Variants in CPZ observed in about 807,000 individuals in gnomAD.
CPZ encodes the protein VEZT/CPZ fusion.
A neutral mutation model predicts 61.8 loss-of-function variants in CPZ; 103 were observed. The ratio of observed to expected loss-of-function variants is 1.67; its 90% confidence interval spans 1.42 to 1.96. The LOEUF (loss-of-function observed/expected upper bound fraction) is 1.96, where lower values mean the gene tolerates loss of function less well. CPZ is among the 30% of genes most tolerant of loss of function. The probability of loss-of-function intolerance (pLI) is 0.00; values close to 1 mark genes in which losing one functional copy is unlikely to be tolerated. For synonymous variants in CPZ, 551 were observed against 373.7 expected (o/e 1.47, Z -5.47); for missense variants, 1,461 against 914.9 (o/e 1.60, Z -7.70).
intron 2 of CPZ, chr4:8,599,842 G>T: frequency 7.0e-6 from 2 of 284,638 alleles, no homozygotes; most frequent in Non-Finnish European, 1.3e-5. Context: ...CTGAGTCTGG[G>T]GTTTGGGTGA....
At chr4:8,614,992 C>T (rs547713489) in intron 9 of CPZ, among the ~76,000 whole-genome samples, 313 of 152,080 alleles carry the variant, frequency 2.1e-3, no homozygotes, top group Non-Finnish European at 3.5e-3. Context: ...GGACTCGAGC[C>T]GTGGGATGGG....
Position 8,592,909 on chromosome 4 carries a change from C to CTT in CPZ, c.76_77insTT (p.Arg26LeufsTer58). On this transcript the variant is annotated frameshift_variant, in exon 1 of 11. Transcript: ENST00000360986. LOFTEE classifies it high-confidence loss of function. ...TGCCCGGCCGGGGTGCGAGTTTGAG[C>CTT]GGAACCCCGCCGGTAAGGCCGTCCC... 1 of 1,533,792 alleles carries CTT rather than the reference C, an allele frequency of 6.5e-7. No homozygotes were observed.
chr4:8,612,906 G>T (rs1049478417), intron 8 of CPZ, among the ~76,000 whole-genome samples: 3 of 152,224 alleles, frequency 2.0e-5, no homozygotes, highest in Admixed American at 1.3e-4. Flanking sequence ...ATGCAGGCGG[G>T]CAGAGAAGGT....
chr4:8,614,786 C>G (rs1716022305), intron 9 of CPZ, among the ~76,000 whole-genome samples: 1 of 152,156 alleles, frequency 6.6e-6, no homozygotes, highest in Non-Finnish European at 1.5e-5. Context: ...GAGCATGGGC[C>G]TGGGCAGCCC....
At chr4:8,616,113 G>A (rs766798419) in intron 9 of CPZ, among the ~76,000 whole-genome samples, 2 of 152,240 alleles carry the variant, frequency 1.3e-5, no homozygotes, top group South Asian at 2.1e-4. Flanking sequence ...TACAGCAAGC[G>A]TGGACCTTGG....
chr4:8,619,608 C>T lies in CPZ; in HGVS notation c.1950C>T (p.Leu650=), dbSNP rs761608242. Residue 650 remains leucine, a synonymous_variant, in exon 11 of 11, where the codon CTC becomes CTT. Transcript: ENST00000360986. ...GCACCCACAGGCCACGCTGGCTGCT[C>T]AAGTACTAGCCCCGGCCCCAGCACC... ...SLSTHRPRWL[L]KY is the part of the protein sequence containing the mutation. 2.0e-6 allele frequency: 3 copies of T among 1,501,878 alleles called. No individual in the cohort carries two copies. The highest frequency in any genetic ancestry group is 2.7e-6 in the Non-Finnish European group (3 of 1,126,560). The allele number at this position is 1,501,878 out of a possible 1,614,324, so 93.0% of individuals were successfully genotyped here. A position where few individuals can be genotyped will look rare whatever the true frequency, so the allele number is the denominator to read the frequency against.
At chr4:8,618,797 C>A (rs1716432289) in intron 10 of CPZ, among the ~76,000 whole-genome samples, 1 of 152,206 alleles carries the variant, frequency 6.6e-6, no homozygotes, top group African/African-American at 2.4e-5. Flanking sequence ...CCGCCTCCTC[C>A]AACATTGCCG....
chr4:8,611,869 T>TGCAGG (rs1371721897), intron 7 of CPZ, among the ~76,000 whole-genome samples, 158 bp from the exon 8 acceptor site: 2 of 152,034 alleles, frequency 1.3e-5, no homozygotes, highest in Admixed American at 1.3e-4. Flanking sequence ...CTGTGTCCTC[T>TGCAGG]GCAGGACACC....
intron 7 of CPZ, among the ~76,000 whole-genome samples, chr4:8,608,506 C>T (rs1204398081): frequency 3.3e-5 from 5 of 152,160 alleles, no homozygotes; most frequent in Admixed American, 3.3e-4. Flanking sequence ...CTGGGCCCCT[C>T]CCTGTCCTGG....
intron 9 of CPZ, among the ~76,000 whole-genome samples, chr4:8,615,733 T>A (rs1244789354): frequency 1.3e-5 from 2 of 152,198 alleles, no homozygotes; most frequent in Non-Finnish European, 2.9e-5. Flanking sequence ...TGACATGGCC[T>A]GTCTGGTGTC....
chr4:8,613,101 C>T (rs906742919), intron 8 of CPZ, among the ~76,000 whole-genome samples: 9 of 151,614 alleles, frequency 5.9e-5, no homozygotes, highest in East Asian at 1.9e-4. Flanking sequence ...CAGACACCCA[C>T]GAGCAGAGCT....
At chr4:8,594,160 G>A (rs3775885) in intron 1 of CPZ, among the ~76,000 whole-genome samples, 10,565 of 152,300 alleles carry the variant, frequency 0.069, 559 homozygotes, top group East Asian at 0.24. Context: ...GAGCACAGCC[G>A]TGGCATCGGC....
intron 4 of CPZ, among the ~76,000 whole-genome samples, chr4:8,605,421 C>A (rs1475021146): frequency 6.6e-6 from 1 of 151,622 alleles, no homozygotes; most frequent in Non-Finnish European, 1.5e-5. Flanking sequence ...TCCATCCACT[C>A]ATCATCCATC....
chr4:8,616,028 T>A (rs762813200), intron 9 of CPZ, among the ~76,000 whole-genome samples: 4 of 152,112 alleles, frequency 2.6e-5, no homozygotes, highest in Non-Finnish European at 5.9e-5. Context: ...CTGATGAACA[T>A]GAGGTTGAAG....
chr4:8,600,692 C>G (rs376952581), intron 2 of CPZ, among the ~76,000 whole-genome samples: 1 of 152,374 alleles, frequency 6.6e-6, no homozygotes, highest in East Asian at 1.9e-4. Context: ...TGAGCCCCAA[C>G]TGACCCATTA....
intron 8 of CPZ, among the ~76,000 whole-genome samples, chr4:8,613,993 A>G (rs1449055383): frequency 6.6e-6 from 1 of 152,234 alleles, no homozygotes; most frequent in Non-Finnish European, 1.5e-5. Flanking sequence ...CACCAGAGAC[A>G]GCATGGGGGT....
intron 2 of CPZ, among the ~76,000 whole-genome samples, chr4:8,600,646 G>A (rs1714506943): frequency 6.6e-6 from 1 of 152,232 alleles, no homozygotes; most frequent in South Asian, 2.1e-4. Flanking sequence ...AGCCGGCTGA[G>A]CCGCATCTGT....
Position 8,601,280 on chromosome 4 carries a change from C to T in CPZ, c.279C>T (p.Cys93=), listed in dbSNP as rs754839900. ...TACACCAGCTCCTGGAAGGCCAGTG[C>T]AACCCGGACCTGCGGCTGCTGGGCT... ...SVLHQLLEGQ[C]NPDLRLLGCA... is the part of the protein sequence containing the mutation. The change falls in exon 3 of 11, where the codon TGC becomes TGT. Residue 93 remains cysteine (C), a synonymous_variant. Transcript: ENST00000360986. 6 of 1,613,414 alleles carry T rather than the reference C, an allele frequency of 3.7e-6. No individual in the cohort carries two copies. Among genetic ancestry groups the T allele is most frequent in the Admixed American group, 1.7e-5 (1 of 60,012 alleles).
In CPZ at chr4:8,606,720, G is replaced by A. The variant is rs1039580917; in HGVS notation, c.907-17G>A. On this transcript the variant is annotated splice_polypyrimidine_tract_variant and intron_variant, in intron 5 of 10. Transcript: ENST00000360986. ...GTGTGCTGACCCCACCCAGTCGGGG[G>A]TTGGCCATGTTTTCAGGGTGCCGGC... 6 of 1,614,064 alleles carry A rather than the reference G, an allele frequency of 3.7e-6. No homozygotes were observed. Among genetic ancestry groups the A allele is most frequent in the Non-Finnish European group, 5.1e-6 (6 of 1,180,002 alleles).
Sources: gnomAD v4.1 joint callset for allele counts (sites outside exome capture counted in the v4.1 genomes callset) on GRCh38, gnomAD v4.1.1 for gene constraint, MANE v1.5 for transcripts, NCBI Gene and HGNC (gene_info 2026-07-23, HGNC 2026-07-21) for gene names.